The following MIS18BP1 variants were observed in gnomAD, a reference collection of about 807,000 sequenced individuals.
MIS18BP1 encodes MIS18 binding protein 1, also known as mis18-binding protein 1.
A neutral mutation model predicts 116.1 loss-of-function variants in MIS18BP1; 72 were observed. That is an observed-to-expected ratio of 0.62 (90% CI 0.51 to 0.75). The LOEUF is 0.75. Among genes scored for constraint, MIS18BP1 ranks in the 30% least tolerant of loss-of-function variants. MIS18BP1 has a pLI of 0.00. For synonymous variants in MIS18BP1, 386 were observed against 427.0 expected, an observed-to-expected ratio of 0.90 and a Z score of 1.18; for missense variants, 1,363 against 1,303.2, an observed-to-expected ratio of 1.05 and a Z score of -0.71.
intron 8 of MIS18BP1, 62 bp downstream of exon 8, chr14:45,231,079 A>G (rs1891260249): frequency 6.5e-7 from 1 of 1,537,986 alleles, no homozygotes; most frequent in Admixed American, 1.9e-5. Context: ...TAAACCATAA[A>G]CAATGTAGAC....
Position 45,242,304 on chromosome 14 carries a change from A to G in MIS18BP1, c.873T>C (p.Asn291=). ...GGCTGCCATTTTTAATAGGAATACA[A>G]TTAGTACTGAGAGTCTCAGCATTAG... The part of the protein sequence containing the change: ...QNTNAETLST[N]CIPIKNGSLL... The change falls in exon 4 of 17, where the codon AAT becomes AAC. Residue 291 remains asparagine (N), a synonymous_variant. Transcript: ENST00000310806. 6.2e-7 allele frequency: 1 copy of G among 1,614,076 alleles called. No individual in the cohort carries two copies. The highest frequency in any genetic ancestry group is 1.1e-5 in the South Asian group (1 of 91,086).
At chr14:45,227,892 T>C in intron 8 of MIS18BP1, 78 bp from the exon 9 acceptor site, 1 of 1,432,162 alleles carries the variant, frequency 7.0e-7, no homozygotes, top group Non-Finnish European at 9.6e-7. Flanking sequence ...GAATTAACTT[T>C]GACGCTAGGT....
intron 11 of MIS18BP1, among the ~76,000 whole-genome samples, chr14:45,222,288 A>C (rs1240214265): frequency 6.6e-6 from 1 of 152,018 alleles, no homozygotes; most frequent in Non-Finnish European, 1.5e-5. Flanking sequence ...TTCCATGTAA[A>C]AAAATCCTCC....
intron 11 of MIS18BP1, among the ~76,000 whole-genome samples, chr14:45,221,603 TATC>T (rs1305647018): frequency 1.3e-5 from 2 of 152,236 alleles, no homozygotes; most frequent in Admixed American, 6.5e-5. Context: ...TTAATTCAAT[TATC>T]ATCAGAGAAT....
At chr14:45,250,519 G>C (rs1178408221) in intron 1 of MIS18BP1, among the ~76,000 whole-genome samples, 1 of 151,960 alleles carries the variant, frequency 6.6e-6, no homozygotes, top group African/African-American at 2.4e-5. Flanking sequence ...AAGCACATTT[G>C]TTGACCTAAC....
rs1891160718 is a variant in MIS18BP1 at position 45,227,668 on chromosome 14, T to G, written c.1741A>C (p.Asn581His). Residue 581 changes from asparagine to histidine, a missense_variant, in exon 9 of 17, where the codon AAT (asparagine) becomes CAT (histidine). Physicochemically the swap from Asn to His is moderately conservative, Grantham distance 68. Coordinates refer to ENST00000310806, the MANE Select transcript of MIS18BP1 (RefSeq NM_018353.5). ...IQNGGGDDLS[N>H]QELIGKKEYK... is the part of the protein sequence containing the mutation. ...AGTGTACAATAAAGCCTTACCTGAT[T>G]AGATAAGTCATCTCCTCCTCCATTT... 6.2e-7 allele frequency: 1 copy of G among 1,612,114 alleles called. No individual in the cohort carries two copies. Among genetic ancestry groups the G allele is most frequent in the Admixed American group, 1.7e-5 (1 of 60,004 alleles).
At chr14:45,240,834 G>A (rs964508677) in intron 4 of MIS18BP1, among the ~76,000 whole-genome samples, 1 of 152,216 alleles carries the variant, frequency 6.6e-6, no homozygotes, top group Admixed American at 6.5e-5. Context: ...CCTGGAAGGC[G>A]GAGGTTGCAA....
rs1368797714 is a variant in MIS18BP1, at chr14:45,204,468, C to G, written c.3241-15G>C. 4 of 1,566,538 alleles carry G rather than the reference C, an allele frequency of 2.6e-6. No homozygotes were observed. The highest frequency in any genetic ancestry group is 3.5e-6 in the Non-Finnish European group (4 of 1,156,922). The stretch of plus-strand genomic sequence containing the variant: ...TCAGTTTCAACCTATAAAAGAGTTA[C>G]TATTAATAGCTAAATGGTACCTCCT... On this transcript the variant is annotated splice_polypyrimidine_tract_variant and intron_variant, in intron 15 of 16. Transcript: ENST00000310806.
At chr14:45,205,179 CTG>C (rs978440500) in intron 15 of MIS18BP1, among the ~76,000 whole-genome samples, 3 of 152,066 alleles carry the variant, frequency 2.0e-5, no homozygotes, top group Non-Finnish European at 4.4e-5. Context: ...TGCTCACAGA[CTG>C]TGATATAAAT....
intron 11 of MIS18BP1, among the ~76,000 whole-genome samples, chr14:45,220,595 A>T (rs571721036): frequency 2.0e-5 from 3 of 152,288 alleles, no homozygotes; most frequent in African/African-American, 7.2e-5. Flanking sequence ...CATATAGTGT[A>T]TAACCCTTTG....
Position 45,224,700 on chromosome 14 carries a change from C to T in MIS18BP1, c.1887G>A (p.Arg629=), listed in dbSNP as rs765309961. The change falls in exon 11 of 17, where the codon AGG becomes AGA. Residue 629 remains arginine, a synonymous_variant. Transcript: ENST00000310806. ...LDVSIDILTS[R]EQFFSDEERK... is the part of the protein sequence containing the mutation. ...TTTCTTCATCTGAGAAAAACTGTTCCCTTGAGGTTAGAATATCAATGGATA... is the reference window on the plus strand; with the variant it reads ...TTTCTTCATCTGAGAAAAACTGTTCTCTTGAGGTTAGAATATCAATGGATA... 1 of 1,606,228 alleles carries T rather than the reference C, an allele frequency of 6.2e-7. No homozygotes were observed. Among genetic ancestry groups the T allele is most frequent in the East Asian group, 2.2e-5 (1 of 44,834 alleles).
chr14:45,252,767 TAAA>T (rs35727165), intron 1 of MIS18BP1, among the ~76,000 whole-genome samples: 2 of 135,562 alleles, frequency 1.5e-5, no homozygotes, highest in Admixed American at 7.4e-5. Context: ...CTTGGTATTC[TAAA>T]AAAAAAAAAA....
chr14:45,213,662 ACT>A (rs1194516397), intron 13 of MIS18BP1, among the ~76,000 whole-genome samples: 2 of 152,176 alleles, frequency 1.3e-5, no homozygotes, highest in African/African-American at 4.8e-5. Flanking sequence ...ACAAAACAAA[ACT>A]CTAATTCACT....
chr14:45,236,345 T>C (rs186071103), intron 5 of MIS18BP1, among the ~76,000 whole-genome samples: 25 of 152,336 alleles, frequency 1.6e-4, no homozygotes, highest in Admixed American at 1.6e-3. Flanking sequence ...CCAGCTAATC[T>C]GGTGTTTTTT....
intron 14 of MIS18BP1, among the ~76,000 whole-genome samples, chr14:45,206,787 G>A (rs369924228): frequency 2.0e-5 from 3 of 151,940 alleles, no homozygotes; most frequent in South Asian, 2.1e-4. Flanking sequence ...GCCTCTCTTG[G>A]TTTTCCAAAA....
intron 6 of MIS18BP1, among the ~76,000 whole-genome samples, chr14:45,235,242 A>C (rs1447071823): frequency 6.7e-6 from 1 of 149,550 alleles, no homozygotes; most frequent in Non-Finnish European, 1.5e-5. Flanking sequence ...GCCTCTTAAC[A>C]CTTCTGTATC....
intron 13 of MIS18BP1, among the ~76,000 whole-genome samples, chr14:45,212,412 A>C (rs1890700497): frequency 6.6e-6 from 1 of 152,184 alleles, no homozygotes; most frequent in African/African-American, 2.4e-5. Context: ...ATGTTACAGC[A>C]GGTTAACTAG....
At chr14:45,240,399 T>C (rs1320146292) in intron 4 of MIS18BP1, among the ~76,000 whole-genome samples, 1 of 152,058 alleles carries the variant, frequency 6.6e-6, no homozygotes, top group African/African-American at 2.4e-5. Context: ...CTGTAATCAT[T>C]TCCTTTTACT....
In MIS18BP1 at chr14:45,210,548, T is replaced by C. The variant is rs1268306650; in HGVS notation, c.3004-20A>G. On this transcript the variant is annotated intron_variant, in intron 13 of 16. Transcript: ENST00000310806. Reference sequence around the variant, plus strand: ...TGGCAACTAGAAAACAAGTATTTATTATCAGCAGGCACCCCATAAAAGGTA... The same window carrying C: ...TGGCAACTAGAAAACAAGTATTTATCATCAGCAGGCACCCCATAAAAGGTA... The C allele has an allele frequency of 5.6e-6, 9 of 1,613,322 alleles. No individual in the cohort carries two copies. Among genetic ancestry groups the C allele is most frequent in the East Asian group, 2.2e-5 (1 of 44,832 alleles).
Sources: allele counts gnomAD v4.1 joint callset (sites outside exome capture counted in the v4.1 genomes callset), GRCh38; gene constraint gnomAD v4.1.1; transcripts MANE v1.5; gene names NCBI Gene and HGNC (gene_info 2026-07-23, HGNC 2026-07-21).